Variants in RIMS1 observed in about 807,000 individuals in gnomAD.
RIMS1 encodes regulating synaptic membrane exocytosis 1, also known as regulating synaptic membrane exocytosis protein 1.
Under a neutral mutation model 214.1 loss-of-function variants are expected in RIMS1, and 83 were observed. The observed-to-expected ratio is 0.39, with a 90% CI of 0.32 to 0.47. The LOEUF (loss-of-function observed/expected upper bound fraction) is 0.47, where lower values mean the gene tolerates loss of function less well. RIMS1 is among the 20% of genes least tolerant of loss of function. The probability of loss-of-function intolerance (pLI) is 0.99; values close to 1 mark genes in which losing one functional copy is unlikely to be tolerated. For missense variants in RIMS1, 2,050 were observed against 2,161.8 expected (o/e 0.95, Z 1.03); for synonymous variants, 793 against 786.8 (o/e 1.01, Z -0.13).
intron 6 of RIMS1, among the ~76,000 whole-genome samples, chr6:72,207,169 A>C (rs1276527704): frequency 6.6e-6 from 1 of 152,234 alleles, no homozygotes; most frequent in Non-Finnish European, 1.5e-5. Context: ...GATAGAATTT[A>C]GGGAGCCTTC....
intron 26 of RIMS1, among the ~76,000 whole-genome samples, chr6:72,300,851 C>G (rs1162536886): frequency 6.6e-6 from 1 of 151,632 alleles, no homozygotes; most frequent in Non-Finnish European, 1.5e-5. Flanking sequence ...TTAGATAGTT[C>G]AATGGGAATA....
At chr6:72,102,130 T>C (rs564827754) in intron 4 of RIMS1, among the ~76,000 whole-genome samples, 3 of 151,984 alleles carry the variant, frequency 2.0e-5, no homozygotes, top group African/African-American at 4.8e-5. Flanking sequence ...TTTAGATAGC[T>C]CTCTTGATAA....
chr6:72,286,926 A>G (rs2092430994), intron 24 of RIMS1, among the ~76,000 whole-genome samples: 1 of 152,224 alleles, frequency 6.6e-6, no homozygotes, highest in South Asian at 2.1e-4. Context: ...ATTTTGAAAG[A>G]GATGATGACC....
At chr6:71,998,950 A>G (rs1804293280) in intron 2 of RIMS1, among the ~76,000 whole-genome samples, 3 of 152,068 alleles carry the variant, frequency 2.0e-5, no homozygotes, top group African/African-American at 7.2e-5. Flanking sequence ...CAAGACTAGC[A>G]TTACCCTTTT....
chr6:71,989,660 C>T (rs1329956304), intron 2 of RIMS1, among the ~76,000 whole-genome samples: 2 of 152,160 alleles, frequency 1.3e-5, no homozygotes, highest in East Asian at 1.9e-4. Flanking sequence ...TACATTTGGT[C>T]GTAATCATTG....
chr6:72,093,605 T>C (rs1427638541), intron 2 of RIMS1, among the ~76,000 whole-genome samples: 3 of 152,158 alleles, frequency 2.0e-5, no homozygotes, highest in Non-Finnish European at 4.4e-5. Context: ...TGATGATCTT[T>C]GTCTTTTGAT....
At chr6:72,128,659 T>C (rs2153837213) in intron 4 of RIMS1, among the ~76,000 whole-genome samples, 1 of 152,330 alleles carries the variant, frequency 6.6e-6, no homozygotes, top group South Asian at 2.1e-4. Context: ...AAGAAGTCCC[T>C]GAGACAAATA....
At chr6:72,268,484 C>G (rs1210364128) in intron 22 of RIMS1, among the ~76,000 whole-genome samples, 3 of 152,062 alleles carry the variant, frequency 2.0e-5, no homozygotes, top group African/African-American at 7.2e-5. Flanking sequence ...CATTTACATG[C>G]CTTTATACCA....
intron 4 of RIMS1, among the ~76,000 whole-genome samples, chr6:72,148,384 A>AG (rs2043033292): frequency 1.3e-5 from 2 of 152,052 alleles, no homozygotes; most frequent in South Asian, 4.2e-4. Context: ...CAAGAGGGGG[A>AG]GAAAAAAAAA....
At chr6:72,187,782 G>A (rs2049376661) in intron 6 of RIMS1, among the ~76,000 whole-genome samples, 2 of 152,100 alleles carry the variant, frequency 1.3e-5, no homozygotes, top group Non-Finnish European at 1.5e-5. Context: ...GGGAGCCATC[G>A]CGCCCAGCCC....
At chr6:71,962,265 A>G (rs1209987970) in intron 1 of RIMS1, among the ~76,000 whole-genome samples, 1 of 152,108 alleles carries the variant, frequency 6.6e-6, no homozygotes, top group Non-Finnish European at 1.5e-5. Flanking sequence ...CTTTGTAGTG[A>G]ATCTTTAGTT....
intron 10 of RIMS1, among the ~76,000 whole-genome samples, chr6:72,243,489 A>G (rs563994859): frequency 5.3e-5 from 8 of 151,942 alleles, no homozygotes; most frequent in Non-Finnish European, 1.2e-4. Flanking sequence ...TAAAATAACA[A>G]TACTACAATT....
chr6:72,239,196 T>A (rs1440346227), intron 9 of RIMS1, among the ~76,000 whole-genome samples: 1 of 152,170 alleles, frequency 6.6e-6, no homozygotes. Flanking sequence ...AAACCTGAGT[T>A]TGCAGACCAC....
rs116660197 is a variant in RIMS1 at position 72,216,341 on chromosome 6, G to A, written c.1679-17432G>A. 6.1e-3 allele frequency: 2,629 copies of A among 428,428 alleles called. 10 individuals are homozygous for A. The highest frequency in any genetic ancestry group is 7.5e-3 in the Non-Finnish European group (2,401 of 320,842). The allele number at this position is 428,428 out of a possible 1,614,324, so 26.5% of individuals were successfully genotyped here. ...GCATCTTTAAAAATATCAGAAATACGAGCCACCTTCTCCTGTCCCCAGCTC... is the reference window on the plus strand; with the variant it reads ...GCATCTTTAAAAATATCAGAAATACAAGCCACCTTCTCCTGTCCCCAGCTC... On this transcript the variant is annotated intron_variant, in intron 6 of 33. Coordinates refer to ENST00000521978, the MANE Select transcript of RIMS1 (RefSeq NM_014989.7).
At chr6:72,138,310 G>A (rs528483496) in intron 4 of RIMS1, among the ~76,000 whole-genome samples, 13 of 152,166 alleles carry the variant, frequency 8.5e-5, no homozygotes, top group Non-Finnish European at 1.3e-4. Flanking sequence ...TCTTGGTAAC[G>A]TTACAGAGTA....
intron 29 of RIMS1, among the ~76,000 whole-genome samples, chr6:72,338,569 A>T (rs1278773281): frequency 1.3e-5 from 2 of 152,060 alleles, no homozygotes; most frequent in East Asian, 3.9e-4. Flanking sequence ...CCACCTACTC[A>T]TCTGACAAAG....
chr6:72,280,717 G>A (rs4454102), intron 23 of RIMS1, among the ~76,000 whole-genome samples: 95,402 of 151,868 alleles, frequency 0.63, 30,430 homozygotes, highest in East Asian at 0.98. Flanking sequence ...TAGATTATGA[G>A]CCTTTGCATG....
chr6:71,909,702 C>G (rs1319979275), intron 1 of RIMS1, among the ~76,000 whole-genome samples: 13 of 152,152 alleles, frequency 8.5e-5, no homozygotes, highest in African/African-American at 3.1e-4. Context: ...TCTCAGGAAG[C>G]TCTATTTTTT....
chr6:72,289,378 T>C (rs999836763), intron 24 of RIMS1, among the ~76,000 whole-genome samples: 7 of 152,184 alleles, frequency 4.6e-5, no homozygotes, highest in Non-Finnish European at 1.0e-4. Context: ...GTTGAGTTAA[T>C]GTGAAAAGCC....
Sources: gnomAD v4.1 joint callset for allele counts (sites outside exome capture counted in the v4.1 genomes callset) on GRCh38, gnomAD v4.1.1 for gene constraint, MANE v1.5 for transcripts, NCBI Gene and HGNC (gene_info 2026-07-23, HGNC 2026-07-21) for gene names.